PKD1L1: variants seen among roughly 807,000 people sequenced by gnomAD.
PKD1L1 encodes the protein polycystin-1-like protein 1.
In PKD1L1, 236 loss-of-function variants were observed where a neutral mutation model predicts 323.4. The observed-to-expected ratio is 0.73, with a 90% confidence interval of 0.66 to 0.81. The LOEUF is 0.81. Ranked by LOEUF, PKD1L1 falls within the 40% of genes least tolerant of loss-of-function variation. The pLI is 0.00. For missense variants in PKD1L1, 3,320 were observed against 3,508.0 expected (o/e 0.95, Z 1.35); for synonymous variants, 1,344 against 1,335.0 (o/e 1.01, Z -0.15).
chr7:47,890,790 G>A (rs892290518), intron 15 of PKD1L1, 27 bp from the exon 16 acceptor site: 4 of 1,603,494 alleles, frequency 2.5e-6, no homozygotes. Flanking sequence ...CGGAGTGGCT[G>A]AGGGGAGCAT....
At chr7:47,960,656 T>A in the PKD1L1 span, among the ~76,000 whole-genome samples, 1 of 148,362 alleles carries the variant, frequency 6.7e-6, no homozygotes. Context: ...AACAATAAGA[T>A]GTATGAAAGG....
At chr7:47,871,387 C>G (rs1427218099) in intron 24 of PKD1L1, among the ~76,000 whole-genome samples, 3 of 152,220 alleles carry the variant, frequency 2.0e-5, no homozygotes, top group Admixed American at 6.5e-5. Flanking sequence ...AGGCTGCTCT[C>G]TGCTTCCAAG....
chr7:47,834,262 A>T, intron 40 of PKD1L1, 77 bp downstream of exon 40: 14 of 1,449,830 alleles, frequency 9.7e-6, no homozygotes, highest in Non-Finnish European at 1.3e-5. Flanking sequence ...ACCATAGCCA[A>T]GGGAGGATGC....
chr7:47,902,793 G>A (rs1470087811), intron 12 of PKD1L1, among the ~76,000 whole-genome samples: 2 of 152,200 alleles, frequency 1.3e-5, no homozygotes, highest in Non-Finnish European at 2.9e-5. Flanking sequence ...TATGTGAGGG[G>A]CATGTTGCTT....
intron 4 of PKD1L1, among the ~76,000 whole-genome samples, chr7:47,932,801 A>C (rs921860279): frequency 3.9e-5 from 6 of 152,240 alleles, no homozygotes; most frequent in African/African-American, 1.4e-4. Flanking sequence ...AGGCCAGGCC[A>C]GCATTATAAT....
rs1289961419 is a variant in PKD1L1, at chr7:47,839,526, A to G, written c.5689T>C (p.Cys1897Arg). 1 of 1,611,932 alleles carries G rather than the reference A, an allele frequency of 6.2e-7. No homozygotes were observed. Among genetic ancestry groups the G allele is most frequent in the South Asian group, 1.1e-5 (1 of 90,360 alleles). Residue 1897 changes from cysteine (C) to arginine (R), a missense_variant, in exon 36 of 57, where the codon TGC becomes CGC. Transcript: ENST00000289672. This position sits in a 1 kb window ranked among gnomAD's most constrained non-coding sequence, Gnocchi z 4.3. ...TCATGCCTGCCGGCAGACAGCCAGCACTGGGCAGGGAAGAACCAGCCCTGT... is the reference window on the plus strand; with the variant it reads ...TCATGCCTGCCGGCAGACAGCCAGCGCTGGGCAGGGAAGAACCAGCCCTGT... Reference protein sequence around the residue: ...TGQGWFFPAQCWLSAGRHDGR... With the variant: ...TGQGWFFPAQRWLSAGRHDGR...
intron 45 of PKD1L1, among the ~76,000 whole-genome samples, chr7:47,822,589 C>A (rs1446127613): frequency 1.0e-5 from 1 of 96,228 alleles, no homozygotes; most frequent in Non-Finnish European, 1.9e-5. Context: ...AGTGAGACTC[C>A]GTCTCAAAAA....
intron 26 of PKD1L1, among the ~76,000 whole-genome samples, chr7:47,862,526 G>A (rs918209340): frequency 3.9e-5 from 6 of 152,180 alleles, no homozygotes; most frequent in Admixed American, 2.6e-4. Flanking sequence ...TCATGGAGTC[G>A]ACATTCCAGT....
chr7:47,823,732 T>C (rs1299524465), intron 45 of PKD1L1, among the ~76,000 whole-genome samples: 1 of 152,206 alleles, frequency 6.6e-6, no homozygotes, highest in African/African-American at 2.4e-5. Flanking sequence ...ATGGTCAGGC[T>C]CTAATTCTAT....
Position 47,881,700 on chromosome 7 carries a change from A to G in PKD1L1, c.3442+209T>C, listed in dbSNP as rs551956285. On this transcript the variant is annotated intron_variant, in intron 20 of 56. Coordinates refer to ENST00000289672, the MANE Select transcript of PKD1L1 (RefSeq NM_138295.5). The stretch of plus-strand genomic sequence containing the variant: ...CCCTCTTCCGCTTTGGTCTACACAC[A>G]TGGATCTCCTGGTAGCAACAGACGC... 4.6e-5 allele frequency among the ~76,000 whole-genome samples: 7 copies of G among 152,332 alleles called. No individual in the cohort carries two copies. The South Asian group carries it at 1.0e-3, about 23-fold the overall frequency.
At chr7:47,892,083 A>C (rs190604628) in intron 15 of PKD1L1, among the ~76,000 whole-genome samples, 60 of 152,320 alleles carry the variant, frequency 3.9e-4, no homozygotes, top group African/African-American at 1.4e-3. Context: ...GGATATATCA[A>C]ATAAGAGCCC....
At position 47,884,743 on chromosome 7, in the gene PKD1L1, T is replaced by G. The variant is rs1053636819; in HGVS notation, c.3206-86A>C. ...CAGCAGCTCCCCTGATGGGTCACAT[T>G]GTCCTTGGTGTATTTCTAGACTCCA... On this transcript the variant is annotated intron_variant, in intron 18 of 56. Transcript: ENST00000289672. 16 of 1,054,686 alleles carry G rather than the reference T, an allele frequency of 1.5e-5. No individual in the cohort carries two copies. The African/African-American group carries it at 2.5e-4, about 17-fold the overall frequency. The allele number at this position is 1,054,686 out of a possible 1,614,324, so 65.3% of individuals were successfully genotyped here.
intron 31 of PKD1L1, 28 bp downstream of exon 31, chr7:47,853,099 G>A: frequency 2.1e-6 from 3 of 1,458,910 alleles, no homozygotes; most frequent in Non-Finnish European, 2.9e-6. Context: ...TAAACAGAAA[G>A]GGAAAATAAG....
chr7:47,879,850 G>A lies in PKD1L1; in HGVS notation c.3520+878C>T, dbSNP rs574865987. Reference sequence around the variant, plus strand: ...CGGGAGGCTGAGGCAGGAGAATGGCGTGAACCTGGGAGGCAGAGCTTGCGG... The same window carrying A: ...CGGGAGGCTGAGGCAGGAGAATGGCATGAACCTGGGAGGCAGAGCTTGCGG... On this transcript the variant is annotated intron_variant, in intron 21 of 56. Transcript: ENST00000289672. Among the ~76,000 whole-genome samples the A allele has an allele frequency of 4.9e-3, 625 of 126,472 alleles. 4 individuals are homozygous for A. The highest frequency in any genetic ancestry group is 5.3e-3 in the Non-Finnish European group (329 of 61,740). The allele number at this position is 126,472 out of a possible 152,430, so 83.0% of individuals were successfully genotyped here. A position where few individuals can be genotyped will look rare whatever the true frequency, so the allele number is the denominator to read the frequency against.
the PKD1L1 span, among the ~76,000 whole-genome samples, chr7:47,957,889 A>G: frequency 2.7e-5 from 4 of 149,092 alleles, no homozygotes; most frequent in East Asian, 5.9e-4. Context: ...CTAGAAATAA[A>G]CTTAACCATG....
intron 31 of PKD1L1, among the ~76,000 whole-genome samples, chr7:47,850,081 T>C (rs1403274025): frequency 6.6e-6 from 1 of 152,054 alleles, no homozygotes; most frequent in Non-Finnish European, 1.5e-5. Context: ...ACTGCTCGGG[T>C]GATGGGTGCA....
chr7:47,926,587 T>G (rs1787660001), intron 7 of PKD1L1, among the ~76,000 whole-genome samples: 1 of 152,244 alleles, frequency 6.6e-6, no homozygotes, highest in Non-Finnish European at 1.5e-5. Flanking sequence ...TTGATTCTTT[T>G]CATCAACACA....
intron 8 of PKD1L1, among the ~76,000 whole-genome samples, 192 bp from the exon 9 acceptor site, chr7:47,908,442 G>A (rs1227912564): frequency 1.3e-5 from 2 of 152,180 alleles, no homozygotes; most frequent in Non-Finnish European, 2.9e-5. Flanking sequence ...AGCCCCTCAC[G>A]CAATGGAGCT....
chr7:47,844,175 G>A (rs1358397348), intron 33 of PKD1L1, among the ~76,000 whole-genome samples: 3 of 152,180 alleles, frequency 2.0e-5, no homozygotes, highest in Non-Finnish European at 4.4e-5. Flanking sequence ...TGTCTTCTGA[G>A]CCCTGATCAC....
Sources: allele counts gnomAD v4.1 joint callset (sites outside exome capture counted in the v4.1 genomes callset), GRCh38; gene constraint gnomAD v4.1.1; non-coding constraint Gnocchi (gnomAD v3.1); transcripts MANE v1.5; gene names NCBI Gene and HGNC (gene_info 2026-07-23, HGNC 2026-07-21).